The following TMEM272 variants were observed in gnomAD, a reference collection of about 807,000 sequenced individuals.
TMEM272 encodes long intergenic non-protein coding RNA 282.
Under a neutral mutation model 3.7 loss-of-function variants are expected in TMEM272, and 8 were observed. The ratio of observed to expected loss-of-function variants is 2.17; its 90% confidence interval spans 1.27 to 3.91. TMEM272 has a LOEUF of 3.91. Ranked by LOEUF, TMEM272 falls within the 30% of genes most tolerant of loss-of-function variation. The pLI is 0.00. For missense variants in TMEM272, 166 were observed against 91.5 expected (o/e 1.81, Z -3.32); for synonymous variants, 63 against 39.8 (o/e 1.58, Z -2.20).
chr13:51,893,180 A>C, the TMEM272 span, among the ~76,000 whole-genome samples: 2 of 152,228 alleles, frequency 1.3e-5, no homozygotes, highest in African/African-American at 2.4e-5. Context: ...CAGAAGTCAA[A>C]CTAAGGAGAC....
chr13:51,879,921 A>G, the TMEM272 span, among the ~76,000 whole-genome samples: 1 of 152,220 alleles, frequency 6.6e-6, no homozygotes, highest in African/African-American at 2.4e-5. Flanking sequence ...GAGAGAAGGA[A>G]TCAAACAGGG....
the TMEM272 span, among the ~76,000 whole-genome samples, chr13:51,876,584 T>C: frequency 6.6e-6 from 1 of 152,244 alleles, no homozygotes; most frequent in African/African-American, 2.4e-5. Context: ...TTTATTATTA[T>C]GTGGTCTTAT....
intron 1 of TMEM272, among the ~76,000 whole-genome samples, chr13:51,844,130 A>G (rs9535769): frequency 0.51 from 71,985 of 140,252 alleles, 18,607 homozygotes; most frequent in Admixed American, 0.64. Context: ...TAACATTCCC[A>G]GTTTTAGAGT....
At chr13:51,921,799 T>G in the TMEM272 span, among the ~76,000 whole-genome samples, 1 of 152,144 alleles carries the variant, frequency 6.6e-6, no homozygotes, top group Admixed American at 6.5e-5. Context: ...TGCTCTCCCC[T>G]CTCTCCCACT....
chr13:51,839,568 C>T (rs1347212113), intron 1 of TMEM272, among the ~76,000 whole-genome samples: 3 of 152,184 alleles, frequency 2.0e-5, no homozygotes, highest in East Asian at 1.9e-4. Flanking sequence ...GTTCCTCATA[C>T]TGCAGGGGTT....
chr13:51,926,085 G>A, the TMEM272 span, among the ~76,000 whole-genome samples: 1 of 151,788 alleles, frequency 6.6e-6, no homozygotes, highest in African/African-American at 2.4e-5. Context: ...GTCTATGAGT[G>A]TGTGGTATGT....
the TMEM272 span, among the ~76,000 whole-genome samples, chr13:51,858,364 G>C: frequency 3.7e-4 from 57 of 152,250 alleles, no homozygotes; most frequent in East Asian, 9.3e-3. Flanking sequence ...TTAGCAAATT[G>C]AAATGATTGA....
chr13:51,905,177 AAT>A, the TMEM272 span, among the ~76,000 whole-genome samples: 1 of 152,236 alleles, frequency 6.6e-6, no homozygotes, highest in South Asian at 2.1e-4. Context: ...CAGGAGAAGA[AAT>A]GTCAGGCTGA....
chr13:51,879,287 G>C, the TMEM272 span, among the ~76,000 whole-genome samples: 3 of 152,124 alleles, frequency 2.0e-5, no homozygotes, highest in South Asian at 6.2e-4. Context: ...GACCTCCTAA[G>C]CCCAGGTTCT....
At chr13:51,928,491 T>C in the TMEM272 span, among the ~76,000 whole-genome samples, 1 of 152,178 alleles carries the variant, frequency 6.6e-6, no homozygotes, top group African/African-American at 2.4e-5. Context: ...CCGACTGCAC[T>C]CAACTGCGAA....
the TMEM272 span, chr13:51,865,942 G>T: frequency 1.2e-6 from 2 of 1,613,938 alleles, no homozygotes; most frequent in Non-Finnish European, 8.5e-7. Context: ...GGGAGGAAGA[G>T]AATGCCCTCT....
the TMEM272 span, among the ~76,000 whole-genome samples, chr13:51,899,475 G>C: frequency 6.6e-6 from 1 of 152,256 alleles, no homozygotes; most frequent in South Asian, 2.1e-4. Flanking sequence ...ACTAAAAATT[G>C]TAAGATATCA....
chr13:51,840,157 C>G (rs148658675), intron 1 of TMEM272, among the ~76,000 whole-genome samples: 1 of 152,036 alleles, frequency 6.6e-6, no homozygotes, highest in Non-Finnish European at 1.5e-5. Flanking sequence ...ATGAGGCCTC[C>G]GAGACTCTAT....
At chr13:51,878,755 C>T in the TMEM272 span, among the ~76,000 whole-genome samples, 14 of 152,106 alleles carry the variant, frequency 9.2e-5, no homozygotes, top group African/African-American at 1.4e-4. Context: ...TTCCTTACAG[C>T]GTATTAAATG....
the TMEM272 span, among the ~76,000 whole-genome samples, chr13:51,878,914 T>C: frequency 1.3e-5 from 2 of 152,358 alleles, no homozygotes; most frequent in East Asian, 3.9e-4. Context: ...TTGGGCTTCA[T>C]GGTTTTGCTC....
the TMEM272 span, among the ~76,000 whole-genome samples, chr13:51,866,659 C>T: frequency 8.2e-3 from 1,256 of 152,314 alleles, 15 homozygotes; most frequent in African/African-American, 0.028. Flanking sequence ...GTTCCGAGTT[C>T]CACCAAACGT....
At chr13:51,902,233 A>G in the TMEM272 span, among the ~76,000 whole-genome samples, 1 of 152,238 alleles carries the variant, frequency 6.6e-6, no homozygotes, top group South Asian at 2.1e-4. Flanking sequence ...TGTTGAAGAC[A>G]GTTTCCCAGT....
At chr13:51,869,166 AG>A in the TMEM272 span, among the ~76,000 whole-genome samples, 2 of 152,200 alleles carry the variant, frequency 1.3e-5, no homozygotes, top group Non-Finnish European at 2.9e-5. Flanking sequence ...TTGTAGATGA[AG>A]GAACAATGCT....
chr13:51,910,781 G>A, the TMEM272 span, among the ~76,000 whole-genome samples: 6 of 152,360 alleles, frequency 3.9e-5, no homozygotes, highest in Admixed American at 2.0e-4. Context: ...TGGAGGACAC[G>A]AGCACCCACA....
Sources: allele counts gnomAD v4.1 joint callset (sites outside exome capture counted in the v4.1 genomes callset), GRCh38; gene constraint gnomAD v4.1.1; transcripts MANE v1.5; gene names NCBI Gene and HGNC (gene_info 2026-07-23, HGNC 2026-07-21).